Variants in EDIL3 observed in about 807,000 individuals in gnomAD.
EDIL3 encodes EGF like and discoidin domains 3, also known as EGF-like repeat and discoidin I-like domain-containing protein 3.
A neutral mutation model predicts 67.4 loss-of-function variants in EDIL3; 37 were observed. The observed-to-expected ratio is 0.55, with a 90% CI of 0.42 to 0.72. The LOEUF (loss-of-function observed/expected upper bound fraction) is 0.72. Ranked by LOEUF, EDIL3 falls within the 30% of genes least tolerant of loss-of-function variation. The pLI, the probability that EDIL3 is intolerant of heterozygous loss-of-function variation, is 0.00. For synonymous variants in EDIL3, 195 were observed against 196.3 expected, an observed-to-expected ratio of 0.99 and a Z score of 0.05; for missense variants, 527 against 586.3, an observed-to-expected ratio of 0.90 and a Z score of 1.04.
intron 9 of EDIL3, among the ~76,000 whole-genome samples, chr5:83,980,936 A>G (rs553704177): frequency 6.6e-6 from 1 of 152,114 alleles, no homozygotes; most frequent in African/African-American, 2.4e-5. Flanking sequence ...AATTCAACAA[A>G]GGAAATGCAA....
chr5:84,289,574 C>T (rs1303074536), intron 1 of EDIL3, among the ~76,000 whole-genome samples: 1 of 152,120 alleles, frequency 6.6e-6, no homozygotes, highest in African/African-American at 2.4e-5. Context: ...AATTCCTCAC[C>T]TAAAAAGGAA....
chr5:83,961,356 C>T (rs1462890127), intron 10 of EDIL3, among the ~76,000 whole-genome samples: 1 of 150,624 alleles, frequency 6.6e-6, no homozygotes, highest in African/African-American at 2.4e-5. Context: ...CTGAGTAACT[C>T]TATCAAACGA....
intron 5 of EDIL3, among the ~76,000 whole-genome samples, chr5:84,128,449 C>A (rs987993190): frequency 1.4e-4 from 21 of 150,656 alleles, no homozygotes; most frequent in African/African-American, 5.1e-4. Flanking sequence ...TACCCAAGAA[C>A]GCCACATTAA....
At chr5:84,159,878 C>A (rs1580354288) in intron 4 of EDIL3, among the ~76,000 whole-genome samples, 1 of 151,990 alleles carries the variant, frequency 6.6e-6, no homozygotes, top group Non-Finnish European at 1.5e-5. Context: ...ACTTTGGGAT[C>A]CAATCTCTTG....
chr5:84,211,776 T>G (rs1744124237), intron 3 of EDIL3, among the ~76,000 whole-genome samples: 1 of 152,174 alleles, frequency 6.6e-6, no homozygotes. Flanking sequence ...CCTCCAGAAC[T>G]GTGAGAATTA....
chr5:84,078,019 C>A (rs1746894409), intron 6 of EDIL3, among the ~76,000 whole-genome samples: 1 of 151,992 alleles, frequency 6.6e-6, no homozygotes, highest in South Asian at 2.1e-4. Flanking sequence ...AACAGAATGG[C>A]AAAACAAAAA....
chr5:83,945,144 C>A (rs2112111010), intron 10 of EDIL3, among the ~76,000 whole-genome samples: 1 of 152,100 alleles, frequency 6.6e-6, no homozygotes, highest in East Asian at 1.9e-4. Flanking sequence ...AATTCATATT[C>A]ATTTAGCAGG....
At chr5:84,124,414 C>T (rs1268973701) in intron 5 of EDIL3, among the ~76,000 whole-genome samples, 1 of 151,788 alleles carries the variant, frequency 6.6e-6, no homozygotes, top group Non-Finnish European at 1.5e-5. Flanking sequence ...ATATGGAATA[C>T]TTTTGTAATC....
At chr5:84,026,120 C>T (rs147357027) in intron 9 of EDIL3, among the ~76,000 whole-genome samples, 3 of 152,270 alleles carry the variant, frequency 2.0e-5, no homozygotes, top group African/African-American at 4.8e-5. Context: ...TTTCTCACTC[C>T]AGGAATATCC....
At chr5:84,241,903 CT>C (rs1744800288) in intron 2 of EDIL3, among the ~76,000 whole-genome samples, 1 of 151,792 alleles carries the variant, frequency 6.6e-6, no homozygotes, top group African/African-American at 2.4e-5. Context: ...TTTTAAGATC[CT>C]TACATATATT....
At chr5:83,975,225 C>T (rs576349333) in intron 9 of EDIL3, among the ~76,000 whole-genome samples, 46 of 152,092 alleles carry the variant, frequency 3.0e-4, no homozygotes, top group African/African-American at 1.0e-3. Context: ...TTAAGGGACT[C>T]ATATATATGC....
At chr5:84,192,445 T>G (rs1743611776) in intron 3 of EDIL3, among the ~76,000 whole-genome samples, 1 of 152,030 alleles carries the variant, frequency 6.6e-6, no homozygotes, top group African/African-American at 2.4e-5. Flanking sequence ...CCTAGAACTT[T>G]GCTCAAATGA....
intron 3 of EDIL3, among the ~76,000 whole-genome samples, chr5:84,205,801 CT>C (rs1326301166): frequency 5.3e-5 from 8 of 151,810 alleles, no homozygotes; most frequent in African/African-American, 1.9e-4. Flanking sequence ...ATTCTTCTCT[CT>C]TTTTTTCTTT....
intron 9 of EDIL3, among the ~76,000 whole-genome samples, chr5:84,019,888 C>A (rs1416157146): frequency 2.0e-5 from 3 of 151,980 alleles, no homozygotes; most frequent in African/African-American, 7.2e-5. Context: ...TTAGTTCTAT[C>A]TTCCCAGTAA....
intron 1 of EDIL3, 74 bp downstream of exon 1, chr5:84,384,234 G>C (rs1036048797): frequency 3.9e-6 from 6 of 1,537,058 alleles, no homozygotes; most frequent in Non-Finnish European, 3.5e-6. Flanking sequence ...GACCGCCTCC[G>C]GCCCCCTGCG....
intron 4 of EDIL3, among the ~76,000 whole-genome samples, chr5:84,139,120 C>A (rs533752944): frequency 1.3e-5 from 2 of 152,056 alleles, no homozygotes; most frequent in South Asian, 4.2e-4. Flanking sequence ...GCCTATAATC[C>A]CAGCTACTCA....
intron 1 of EDIL3, among the ~76,000 whole-genome samples, chr5:84,336,607 T>C (rs1186879764): frequency 6.6e-6 from 1 of 152,142 alleles, no homozygotes; most frequent in East Asian, 1.9e-4. Flanking sequence ...CAGTATTTAA[T>C]AACTATGACT....
chr5:84,207,617 G>A (rs1744012202), intron 3 of EDIL3, among the ~76,000 whole-genome samples: 2 of 151,052 alleles, frequency 1.3e-5, no homozygotes, highest in South Asian at 2.1e-4. Flanking sequence ...GAACAAAGCT[G>A]GAGGCATCAC....
intron 6 of EDIL3, among the ~76,000 whole-genome samples, chr5:84,073,526 C>T (rs559494421): frequency 6.6e-6 from 1 of 152,090 alleles, no homozygotes; most frequent in Non-Finnish European, 1.5e-5. Flanking sequence ...AATGTACAAA[C>T]ATCACAAGCA....
Sources: gnomAD v4.1 joint callset for allele counts (sites outside exome capture counted in the v4.1 genomes callset) on GRCh38, gnomAD v4.1.1 for gene constraint, MANE v1.5 for transcripts, NCBI Gene and HGNC (gene_info 2026-07-23, HGNC 2026-07-21) for gene names.